The following PPEF1 variants were observed in gnomAD, a reference collection of about 807,000 sequenced individuals.
The protein encoded by PPEF1 is protein phosphatase with EF-hand domain 1.
A neutral mutation model predicts 53.3 loss-of-function variants in PPEF1; 12 were observed. That is an observed-to-expected ratio of 0.23 (90% confidence interval 0.14 to 0.36). PPEF1 has a LOEUF of 0.36. Among genes scored for constraint, PPEF1 ranks in the 10% least tolerant of loss-of-function variants. The pLI, the probability that PPEF1 is intolerant of heterozygous loss-of-function variation, is 1.00. For missense variants in PPEF1, 334 were observed against 490.4 expected (o/e 0.68, Z 3.01); for synonymous variants, 165 against 176.7 (o/e 0.93, Z 0.52).
upstream of PPEF1, among the ~76,000 whole-genome samples, chrX:18,680,429 C>CTTTTTTTTTT (rs769412688): frequency 3.8e-5 from 3 of 78,696 alleles, no homozygotes; most frequent in Non-Finnish European, 6.8e-5. Flanking sequence ...AATTTCTTCT[C>CTTTTTTTTTT]TTTTTTTTTT....
Position 18,711,468 on chromosome X carries a change from CA to C in PPEF1, c.46+3649del, listed in dbSNP as rs1172768944. Among the ~76,000 whole-genome samples, 20 of 110,996 alleles carry C rather than the reference CA, an allele frequency of 1.8e-4. No individual in the cohort carries two copies. The Admixed American group carries it at 1.9e-3, about 11-fold the overall frequency. On this transcript the variant is annotated intron_variant, in intron 1 of 15. Transcript: ENST00000470157. ...CCTAAATATATATGTTTTTAAAGGC[CA>C]AAAAAAGTTTTGTACTTTTAGCTCT...
chrX:18,792,878 C>G (rs938562744), intron 10 of PPEF1, among the ~76,000 whole-genome samples: 1 of 111,333 alleles, frequency 9.0e-6, no homozygotes, highest in Non-Finnish European at 1.9e-5. Flanking sequence ...CCAGAGGATT[C>G]CATTGGTTAC....
At chrX:18,753,257 A>G (rs1327759480) in intron 4 of PPEF1, among the ~76,000 whole-genome samples, 4 of 111,156 alleles carry the variant, frequency 3.6e-5, no homozygotes, top group African/African-American at 1.3e-4. Flanking sequence ...TGTTCATCTC[A>G]TCTAAGTAAT....
chrX:18,717,755 C>T (rs953769310), intron 1 of PPEF1, among the ~76,000 whole-genome samples: 16 of 111,410 alleles, frequency 1.4e-4, no homozygotes, highest in Non-Finnish European at 3.0e-4. Context: ...ACTCTACTTT[C>T]TCCTGGCTTT....
Position 18,695,797 on chromosome X carries a change from G to A in PPEF1, c.-312-2048G>A, listed in dbSNP as rs554865581. Among the ~76,000 whole-genome samples, 8 of 112,362 alleles carry A rather than the reference G, an allele frequency of 7.1e-5. No homozygotes were observed. In the South Asian group the frequency reaches 2.9e-3, roughly 41 times the overall value. ...CACAACCAAGGAAAGCTCAACTTTT[G>A]TATCTAAGATGGAGCCTTTCGAAAG... On this transcript the variant is annotated intron_variant, in intron 4 of 21. Transcript: ENST00000361511.
chrX:18,783,720 A>AC (rs1174123307), intron 8 of PPEF1, among the ~76,000 whole-genome samples, 179 bp from the exon 9 acceptor site: 46 of 110,864 alleles, frequency 4.1e-4, no homozygotes, highest in Middle Eastern at 4.7e-3. Context: ...CATCTCAAAA[A>AC]AAAAACAAAA....
chrX:18,799,625 T>C (rs746914381), intron 10 of PPEF1, among the ~76,000 whole-genome samples: 2 of 111,666 alleles, frequency 1.8e-5, no homozygotes, highest in East Asian at 5.6e-4. Context: ...GCAAGGTCCT[T>C]CTTGAAGGAT....
intron 3 of PPEF1, among the ~76,000 whole-genome samples, chrX:18,743,744 C>T (rs943341474): frequency 1.8e-5 from 2 of 109,765 alleles, no homozygotes; most frequent in Non-Finnish European, 1.9e-5. Context: ...CCACCGCTCC[C>T]GACCAAGTTG....
intron 5 of PPEF1, among the ~76,000 whole-genome samples, chrX:18,699,285 C>T (rs923467534): frequency 9.0e-6 from 1 of 111,124 alleles, no homozygotes; most frequent in Non-Finnish European, 1.9e-5. Flanking sequence ...TAACTCCATC[C>T]GATTAAATGG....
At chrX:18,816,972 T>C (rs1277251407) in intron 12 of PPEF1, among the ~76,000 whole-genome samples, 1 of 111,125 alleles carries the variant, frequency 9.0e-6, no homozygotes, top group Non-Finnish European at 1.9e-5. Flanking sequence ...TTTTGTTGCT[T>C]TTATCCAGTT....
intron 6 of PPEF1, among the ~76,000 whole-genome samples, chrX:18,768,557 A>G (rs774372916): frequency 8.9e-6 from 1 of 112,461 alleles, no homozygotes; most frequent in African/African-American, 3.2e-5. Context: ...ATAACTCACC[A>G]TATGCAAAAG....
intron 15 of PPEF1, 62 bp downstream of exon 15, chrX:18,825,897 T>C: frequency 2.5e-6 from 2 of 796,509 alleles, no homozygotes; most frequent in African/African-American, 2.1e-5. Flanking sequence ...ATGTTGGGGA[T>C]ACAAAATGAG....
At chrX:18,723,689 C>T (rs1163597341) in intron 1 of PPEF1, among the ~76,000 whole-genome samples, 3 of 111,388 alleles carry the variant, frequency 2.7e-5, no homozygotes, top group Non-Finnish European at 5.6e-5. Context: ...GTCAGATGCT[C>T]AAGAGTGCTA....
At chrX:18,738,859 G>A (rs190626458) in intron 3 of PPEF1, among the ~76,000 whole-genome samples, 552 of 111,067 alleles carry the variant, frequency 5.0e-3, no homozygotes, top group African/African-American at 0.013. Context: ...TTCTCTTCTC[G>A]CTTCATTTCA....
chrX:18,807,013 TTG>T (rs1197925378), intron 12 of PPEF1, among the ~76,000 whole-genome samples: 1,591 of 25,950 alleles, frequency 0.061, 15 homozygotes, highest in African/African-American at 0.13. Flanking sequence ...GGTTTTTTTT[TTG>T]TTTGTTTTTT....
At chrX:18,781,233 GTAGGCAGTTGAGTGT>G (rs2046079944) in intron 7 of PPEF1, among the ~76,000 whole-genome samples, 1 of 110,612 alleles carries the variant, frequency 9.0e-6, no homozygotes, top group Non-Finnish European at 1.9e-5. Context: ...GTACTATTGA[GTAGGCAGTTGAGTGT>G]ACATACATGT....
chrX:18,700,111 C>G (rs996603441), intron 5 of PPEF1: 2 of 111,930 alleles, frequency 1.8e-5, no homozygotes, highest in Non-Finnish European at 3.8e-5. Flanking sequence ...AGTGCATTGT[C>G]TCCCAGATTC....
intron 1 of PPEF1, among the ~76,000 whole-genome samples, chrX:18,724,079 C>T (rs1195632803): frequency 1.8e-5 from 2 of 111,682 alleles, no homozygotes; most frequent in African/African-American, 3.3e-5. Context: ...TGAGCCATTG[C>T]GCCTGGCCCC....
At position 18,757,871 on chromosome X, in the gene PPEF1, T is replaced by C; in HGVS notation, c.511+130T>C. 7.3e-6 allele frequency: 3 copies of C among 410,719 alleles called. No individual in the cohort carries two copies. The South Asian group carries it at 1.8e-4, about 25-fold the overall frequency. 33.8% of individuals were successfully genotyped at this position (410,719 alleles called of 1,213,427 possible). A position where few individuals can be genotyped will look rare whatever the true frequency, so the allele number is the denominator to read the frequency against. ...AATGTTAATATAGAATTATCTATCATGATAATACTGTTCCCCATCTTGTCT... is the reference window on the plus strand; with the variant it reads ...AATGTTAATATAGAATTATCTATCACGATAATACTGTTCCCCATCTTGTCT... On this transcript the variant is annotated intron_variant, in intron 5 of 15. Transcript: ENST00000470157.
Sources: gnomAD v4.1 joint callset for allele counts (sites outside exome capture counted in the v4.1 genomes callset) on GRCh38, gnomAD v4.1.1 for gene constraint, MANE v1.5 for transcripts, NCBI Gene and HGNC (gene_info 2026-07-23, HGNC 2026-07-21) for gene names.